Variants in SPECC1L observed in about 807,000 individuals in gnomAD.
SPECC1L encodes sperm antigen with calponin homology and coiled-coil domains 1 like, also known as cytospin-A.
Under a neutral mutation model 116.8 loss-of-function variants are expected in SPECC1L, and 40 were observed. The observed-to-expected ratio is 0.34, with a 90% CI of 0.27 to 0.45. The LOEUF (loss-of-function observed/expected upper bound fraction) is 0.45, where lower values mean the gene tolerates loss of function less well. SPECC1L is among the 20% of genes least tolerant of loss of function. The probability of loss-of-function intolerance (pLI) is 1.00; values close to 1 mark genes in which losing one functional copy is unlikely to be tolerated. For missense variants in SPECC1L, 1,110 were observed against 1,373.6 expected, an observed-to-expected ratio of 0.81 and a Z score of 3.03; for synonymous variants, 504 against 500.6, an observed-to-expected ratio of 1.01 and a Z score of -0.09.
chr22:24,413,313 C>T (rs533224919), intron 16 of SPECC1L, among the ~76,000 whole-genome samples: 15 of 152,264 alleles, frequency 9.9e-5, no homozygotes, highest in Admixed American at 9.8e-4. Context: ...GAAAACATAG[C>T]GTCCAAATCC....
chr22:24,409,953 A>C (rs2042661755), intron 14 of SPECC1L, among the ~76,000 whole-genome samples: 1 of 152,198 alleles, frequency 6.6e-6, no homozygotes, highest in African/African-American at 2.4e-5. Flanking sequence ...GCTTAACCCC[A>C]GGAGGCCGTC....
At chr22:24,271,459 G>C (rs2048725805) in intron 1 of SPECC1L, among the ~76,000 whole-genome samples, 1 of 152,274 alleles carries the variant, frequency 6.6e-6, no homozygotes, top group African/African-American at 2.4e-5. Flanking sequence ...CCCCGGGCCT[G>C]CTGCCGGTGC....
At chr22:24,272,509 CAA>C (rs1490147099) in intron 1 of SPECC1L, among the ~76,000 whole-genome samples, 1 of 152,014 alleles carries the variant, frequency 6.6e-6, no homozygotes, top group African/African-American at 2.4e-5. Flanking sequence ...CCCGTCTCTA[CAA>C]AAAATATAAA....
intron 1 of SPECC1L, among the ~76,000 whole-genome samples, chr22:24,272,672 A>C (rs916280129): frequency 6.6e-6 from 1 of 152,086 alleles, no homozygotes; most frequent in African/African-American, 2.4e-5. Context: ...GTCTCAAAAA[A>C]AAAAAAAAAC....
chr22:24,284,386 G>A (rs556922238), intron 2 of SPECC1L, among the ~76,000 whole-genome samples: 1 of 152,164 alleles, frequency 6.6e-6, no homozygotes, highest in South Asian at 2.1e-4. Flanking sequence ...ATTTTCCAGA[G>A]ATATTCCATT....
chr22:24,414,920 T>G lies in SPECC1L; in HGVS notation c.*297T>G. The G allele has an allele frequency of 2.3e-6, 1 of 432,576 alleles. No individual in the cohort carries two copies. Among genetic ancestry groups the G allele is most frequent in the South Asian group, 2.3e-5 (1 of 44,134 alleles). The allele number at this position is 432,576 out of a possible 1,614,324, so 26.8% of individuals were successfully genotyped here. A position where few individuals can be genotyped will look rare whatever the true frequency, so the allele number is the denominator to read the frequency against. ...TGAAGAGAATATTGAACTACACTAG[T>G]GCTCCAGGGCACCAAACAAAAAGGG... is the stretch of plus-strand genomic sequence containing the variant. On this transcript the variant is annotated 3_prime_UTR_variant, in exon 17 of 17. Transcript: ENST00000314328.
intron 6 of SPECC1L, among the ~76,000 whole-genome samples, chr22:24,326,127 A>G (rs1274080217): frequency 2.0e-5 from 3 of 152,090 alleles, no homozygotes; most frequent in South Asian, 2.1e-4. Context: ...CTAATTTTTT[A>G]TTTTTAGTAG....
chr22:24,368,309 G>T (rs560420271), intron 13 of SPECC1L, among the ~76,000 whole-genome samples: 2 of 152,132 alleles, frequency 1.3e-5, no homozygotes, highest in Non-Finnish European at 2.9e-5. Context: ...ATTGCCTACT[G>T]CCTGCACATT....
At chr22:24,275,845 A>G (rs1385303134) in intron 1 of SPECC1L, among the ~76,000 whole-genome samples, 1 of 151,834 alleles carries the variant, frequency 6.6e-6, no homozygotes, top group Non-Finnish European at 1.5e-5. Flanking sequence ...ACTAGCTGAG[A>G]CTGCAGGCCC....
chr22:24,406,005 A>T (rs976038555), intron 14 of SPECC1L, among the ~76,000 whole-genome samples: 2 of 152,160 alleles, frequency 1.3e-5, no homozygotes, highest in Non-Finnish European at 1.5e-5. Flanking sequence ...CGCAAGCTTC[A>T]TACTGGTGGT....
chr22:24,321,844 G>C lies in SPECC1L; in HGVS notation c.864G>C (p.Leu288=). 1 of 1,614,234 alleles carries C rather than the reference G, an allele frequency of 6.2e-7. No homozygotes were observed. Residue 288 remains leucine, a synonymous_variant, in exon 5 of 17, where the codon CTG becomes CTC. Transcript: ENST00000314328. ...AGAGGTTAGACAATTCTGAAAAACT[G>C]TTTGGCTATCAGTCCCTGAGCCCAG... ...LEQRLDNSEK[L]FGYQSLSPEI...
Position 24,407,074 on chromosome 22 carries a change from C to T in SPECC1L, c.3088-4514C>T, listed in dbSNP as rs534117685. Among the ~76,000 whole-genome samples, 3 of 152,324 alleles carry T rather than the reference C, an allele frequency of 2.0e-5. No homozygotes were observed. In the East Asian group the frequency reaches 5.8e-4, roughly 29 times the overall value. On this transcript the variant is annotated intron_variant, in intron 14 of 16. Transcript: ENST00000314328. ...AAGCTTCACTTGGGCTCCCTACTTTCTGCCTCCAGCTTATCACATAGGGTG... is the reference window on the plus strand; with the variant it reads ...AAGCTTCACTTGGGCTCCCTACTTTTTGCCTCCAGCTTATCACATAGGGTG...
chr22:24,305,261 A>G (rs1373369677), intron 3 of SPECC1L, among the ~76,000 whole-genome samples: 1 of 152,216 alleles, frequency 6.6e-6, no homozygotes, highest in Non-Finnish European at 1.5e-5. Context: ...CATGTCCTTC[A>G]GTCACCACCT....
At chr22:24,369,157 C>T (rs1183316050) in intron 13 of SPECC1L, 61 bp from the exon 14 acceptor site, 3 of 1,219,808 alleles carry the variant, frequency 2.5e-6, no homozygotes, top group Non-Finnish European at 3.7e-6. Flanking sequence ...AACTTTAATA[C>T]TTTTCTCTTA....
intron 11 of SPECC1L, among the ~76,000 whole-genome samples, chr22:24,357,714 G>C (rs1279840066): frequency 6.6e-6 from 1 of 152,130 alleles, no homozygotes; most frequent in Non-Finnish European, 1.5e-5. Flanking sequence ...TTACCCTCAG[G>C]GCAGAACAGG....
chr22:24,318,206 G>A (rs1409496153), intron 4 of SPECC1L, among the ~76,000 whole-genome samples: 1 of 152,202 alleles, frequency 6.6e-6, no homozygotes, highest in Admixed American at 6.5e-5. Context: ...TCGAGATCAC[G>A]CCACTGCACT....
At chr22:24,295,803 C>T (rs1369089201) in intron 2 of SPECC1L, among the ~76,000 whole-genome samples, 1 of 152,042 alleles carries the variant, frequency 6.6e-6, no homozygotes, top group African/African-American at 2.4e-5. Flanking sequence ...CAAAAATTAG[C>T]CAAGCGTGGT....
rs2040742982 is a variant in SPECC1L, at chr22:24,322,591, C to T, written c.1611C>T (p.Leu537=). Residue 537 remains leucine (L), a synonymous_variant, in exon 5 of 17, where the codon CTC becomes CTT. Coordinates refer to ENST00000314328, the MANE Select transcript of SPECC1L (RefSeq NM_015330.6). ...AAGCTCAAGAAATGATAGGGGCACT[C>T]AAAGAACGCAGTCACCATATGGAGC... ...NKEAQEMIGA[L]KERSHHMERI... 1 of 1,614,104 alleles carries T rather than the reference C, an allele frequency of 6.2e-7. No homozygotes were observed. Among genetic ancestry groups the T allele is most frequent in the South Asian group, 1.1e-5 (1 of 91,046 alleles).
chr22:24,344,621 C>T (rs1601586177), intron 10 of SPECC1L, among the ~76,000 whole-genome samples: 1 of 148,864 alleles, frequency 6.7e-6, no homozygotes, highest in Non-Finnish European at 1.5e-5. Context: ...GAAAGAAAAG[C>T]ATACAAGTTT....
Sources: allele counts gnomAD v4.1 joint callset (sites outside exome capture counted in the v4.1 genomes callset), GRCh38; gene constraint gnomAD v4.1.1; transcripts MANE v1.5; gene names NCBI Gene and HGNC (gene_info 2026-07-23, HGNC 2026-07-21).